The following ROS1 variants were observed in gnomAD, a reference collection of about 807,000 sequenced individuals.
The protein encoded by ROS1 is ROS proto-oncogene 1, receptor tyrosine kinase, also known as proto-oncogene tyrosine-protein kinase ROS.
ROS1 carries 263 observed loss-of-function variants against 273.5 expected under a neutral mutation model. That is an observed-to-expected ratio of 0.96 (90% CI 0.87 to 1.06). ROS1 has a LOEUF of 1.06. Ranked by LOEUF, ROS1 falls within the 50% of genes least tolerant of loss-of-function variation. ROS1 has a pLI of 0.00. For synonymous variants in ROS1, 1,008 were observed against 954.1 expected, an observed-to-expected ratio of 1.06 and a Z score of -1.04; for missense variants, 2,833 against 2,751.1, an observed-to-expected ratio of 1.03 and a Z score of -0.67.
chr6:117,315,831 A>G (rs1470421218), intron 39 of ROS1, among the ~76,000 whole-genome samples: 2 of 152,100 alleles, frequency 1.3e-5, no homozygotes, highest in African/African-American at 4.8e-5. Context: ...AAGCATCCAC[A>G]CTGCTTCCAG....
chr6:117,396,394 C>A (rs996688382), intron 8 of ROS1, 130 bp from the exon 9 acceptor site: 6 of 685,544 alleles, frequency 8.8e-6, no homozygotes, highest in Non-Finnish European at 1.6e-5. Context: ...TTACGTGGTG[C>A]CACTGCTCAG....
intron 29 of ROS1, 117 bp downstream of exon 29, chr6:117,342,283 T>C: frequency 9.8e-7 from 1 of 1,018,588 alleles, no homozygotes; most frequent in Non-Finnish European, 1.4e-6. Context: ...CTTATTAAAC[T>C]TAAAAAAGCT....
At chr6:117,329,837 C>T (rs1269392209) in intron 32 of ROS1, among the ~76,000 whole-genome samples, 1 of 152,182 alleles carries the variant, frequency 6.6e-6, no homozygotes, top group African/African-American at 2.4e-5. Flanking sequence ...CTGTGCAACT[C>T]ATGGATTGGA....
At chr6:117,401,204 G>A (rs1773903045) in intron 7 of ROS1, among the ~76,000 whole-genome samples, 1 of 152,052 alleles carries the variant, frequency 6.6e-6, no homozygotes, top group Non-Finnish European at 1.5e-5. Context: ...ACCAAATCAA[G>A]CCTGACTTGC....
At chr6:117,408,312 T>C (rs1191426785) in intron 5 of ROS1, among the ~76,000 whole-genome samples, 2 of 152,052 alleles carry the variant, frequency 1.3e-5, no homozygotes, top group Non-Finnish European at 2.9e-5. Context: ...GCAATCTACT[T>C]ATCTGACAAA....
intron 16 of ROS1, among the ~76,000 whole-genome samples, chr6:117,383,759 T>G (rs926605886): frequency 1.3e-5 from 2 of 152,204 alleles, no homozygotes; most frequent in African/African-American, 4.8e-5. Context: ...AAATTTACTT[T>G]GCATAAAAAT....
intron 18 of ROS1, among the ~76,000 whole-genome samples, chr6:117,372,160 G>A (rs557465127): frequency 6.0e-4 from 92 of 152,268 alleles, no homozygotes; most frequent in Non-Finnish European, 4.9e-4. Context: ...GAGAAAAGCT[G>A]AAAGCATTCC....
chr6:117,287,899 C>G lies in ROS1; in HGVS notation c.*593G>C, dbSNP rs1773547458. Among the ~76,000 whole-genome samples the G allele has an allele frequency of 7.4e-6, 1 of 134,868 alleles. No homozygotes were observed. The allele number at this position is 134,868 out of a possible 152,430, so 88.5% of individuals were successfully genotyped here. On this transcript the variant is annotated 3_prime_UTR_variant, in exon 44 of 44. Coordinates refer to ENST00000368507, the MANE Select transcript of ROS1 (RefSeq NM_001378902.1). ...TGCCATTGAACTCCAGCCTGGGCAA[C>G]AGAGCAAGACTTCGTCTCAAAAAAA...
intron 36 of ROS1, 80 bp from the exon 37 acceptor site, chr6:117,320,110 G>A: frequency 8.1e-7 from 1 of 1,227,666 alleles, no homozygotes; most frequent in Non-Finnish European, 1.2e-6. Context: ...TGGTATTTGT[G>A]TTTGAGAGAG....
intron 43 of ROS1, among the ~76,000 whole-genome samples, chr6:117,294,695 G>T (rs928439952): frequency 3.3e-5 from 5 of 151,934 alleles, no homozygotes; most frequent in African/African-American, 1.2e-4. Flanking sequence ...AAATCAAGAA[G>T]GCAATGCCAT....
chr6:117,387,106 A>G, intron 14 of ROS1, 107 bp from the exon 15 acceptor site: 1 of 517,638 alleles, frequency 1.9e-6, no homozygotes, highest in Non-Finnish European at 3.4e-6. Flanking sequence ...TTCTATATAA[A>G]GTAAAAGAAT....
At chr6:117,409,701 G>A (rs1349480130) in intron 4 of ROS1, 59 bp from the exon 5 acceptor site, 2 of 1,342,058 alleles carry the variant, frequency 1.5e-6, no homozygotes, top group Non-Finnish European at 2.1e-6. Flanking sequence ...TTGCTGATAA[G>A]CTTCAACTAA....
chr6:117,333,059 C>T (rs1039061204), intron 32 of ROS1, among the ~76,000 whole-genome samples: 5 of 149,406 alleles, frequency 3.3e-5, no homozygotes, highest in South Asian at 2.2e-4. Flanking sequence ...ATCCAGGAGC[C>T]GTTTTTTTTA....
intron 7 of ROS1, among the ~76,000 whole-genome samples, chr6:117,398,803 T>G (rs1391156191): frequency 6.6e-6 from 1 of 150,836 alleles, no homozygotes; most frequent in Non-Finnish European, 1.5e-5. Context: ...TGAAACCCCA[T>G]CTCTACTAAA....
chr6:117,412,615 G>A (rs967698816), intron 4 of ROS1, among the ~76,000 whole-genome samples: 2 of 151,924 alleles, frequency 1.3e-5, no homozygotes, highest in African/African-American at 4.8e-5. Context: ...CAGATAGATA[G>A]ATAGATAGAT....
chr6:117,291,382 A>T (rs956846552), intron 43 of ROS1, among the ~76,000 whole-genome samples: 4 of 152,196 alleles, frequency 2.6e-5, no homozygotes, highest in Non-Finnish European at 4.4e-5. Context: ...TTGGTACCTA[A>T]ATAGATTTGG....
intron 29 of ROS1, 106 bp from the exon 30 acceptor site, chr6:117,341,738 T>A (rs564439639): frequency 5.8e-5 from 44 of 755,028 alleles, no homozygotes. Context: ...ATGAGCAGAA[T>A]AAATAACACA....
rs189310744 is a variant in ROS1 at position 117,379,668 on chromosome 6, T to C, written c.2482-509A>G. Among the ~76,000 whole-genome samples the C allele has an allele frequency of 7.9e-4, 120 of 152,220 alleles. 1 individual carries two copies. Among genetic ancestry groups the C allele is most frequent in the Admixed American group, 6.8e-3 (104 of 15,288 alleles). The stretch of plus-strand genomic sequence containing the variant: ...CTGTGGAGTTTTTTAAAAATCTCAA[T>C]TCCCAGGCTGCACTCTATTAATTAT... On this transcript the variant is annotated intron_variant, in intron 17 of 43. Transcript: ENST00000368507.
At position 117,342,422 on chromosome 6, in the gene ROS1, A is replaced by T. The variant is rs769156753; in HGVS notation, c.4629T>A (p.Ile1543=). ...TACCTCCATTTTTAGTTTTTCCCCA[A>T]ATCTCTTTTCCTGGTGGTAAATGTT... The part of the protein sequence containing the change: ...PLEHLPPGKE[I]WGKTKNGVPE... The change falls in exon 29 of 44, where the codon ATT becomes ATA. Residue 1543 remains isoleucine (I), a synonymous_variant. Coordinates refer to ENST00000368507, the MANE Select transcript of ROS1 (RefSeq NM_001378902.1). The T allele has an allele frequency of 1.9e-6, 3 of 1,612,104 alleles. No individual in the cohort carries two copies. Among genetic ancestry groups the T allele is most frequent in the South Asian group, 1.1e-5 (1 of 90,848 alleles).
Sources: gnomAD v4.1 joint callset for allele counts (sites outside exome capture counted in the v4.1 genomes callset) on GRCh38, gnomAD v4.1.1 for gene constraint, MANE v1.5 for transcripts, NCBI Gene and HGNC (gene_info 2026-07-23, HGNC 2026-07-21) for gene names.